The following PECR variants were observed in gnomAD, a reference collection of about 807,000 sequenced individuals.
The protein encoded by PECR is 2,4-dienoyl-CoA reductase-related protein.
Under a neutral mutation model 35.3 loss-of-function variants are expected in PECR, and 30 were observed. That is an observed-to-expected ratio of 0.85 (90% confidence interval 0.64 to 1.15). PECR has a LOEUF of 1.15. Among genes scored for constraint, PECR ranks in the 50% most tolerant of loss-of-function variants. The pLI, the probability that PECR is intolerant of heterozygous loss-of-function variation, is 0.00. For synonymous variants in PECR, 148 were observed against 138.9 expected (o/e 1.07, Z -0.46); for missense variants, 392 against 370.8 (o/e 1.06, Z -0.47).
In PECR at chr2:216,066,371, T is replaced by C. The variant is rs752255370; in HGVS notation, c.258+14A>G. 6.2e-7 allele frequency: 1 copy of C among 1,605,360 alleles called. No homozygotes were observed. Among genetic ancestry groups the C allele is most frequent in the Non-Finnish European group, 8.5e-7 (1 of 1,171,996 alleles). On this transcript the variant is annotated intron_variant, in intron 2 of 7. Coordinates refer to ENST00000265322, the MANE Select transcript of PECR (RefSeq NM_018441.6). ...ACAATGAATGAATAAATGATACAGA[T>C]ATATCTCCATTACCTCCTCCTCATT...
rs201199512 is a variant in PECR at position 216,048,485 on chromosome 2, G to GT, written c.714+777dup. Among the ~76,000 whole-genome samples, 870 of 151,966 alleles carry GT rather than the reference G, an allele frequency of 5.7e-3. 12 individuals carry two copies. The highest frequency in any genetic ancestry group is 0.02 in the African/African-American group (825 of 41,458). On this transcript the variant is annotated intron_variant, in intron 6 of 7. Coordinates refer to ENST00000265322, the MANE Select transcript of PECR (RefSeq NM_018441.6). ...AGCACTTTAGGAGGCTGAGGTGGGC[G>GT]TATCACTTAAGGTCAGTAGTTCGAG...
At chr2:216,055,450 CAAAA>C in intron 4 of PECR, among the ~76,000 whole-genome samples, 1 of 130,420 alleles carries the variant, frequency 7.7e-6, no homozygotes. Flanking sequence ...AAAAAAAAAA[CAAAA>C]AAACAAAAAA....
At chr2:216,057,441 G>A (rs1322030173) in intron 4 of PECR, among the ~76,000 whole-genome samples, 1 of 152,128 alleles carries the variant, frequency 6.6e-6, no homozygotes, top group Non-Finnish European at 1.5e-5. Context: ...TCAAGATACA[G>A]AATAGTGTTT....
intron 4 of PECR, 85 bp downstream of exon 4, chr2:216,058,810 T>C: frequency 1.3e-6 from 1 of 778,186 alleles, no homozygotes. Flanking sequence ...ATGATCTTGA[T>C]TTAAGAAATG....
At chr2:216,072,121 TAC>T (rs1463547918) in intron 1 of PECR, among the ~76,000 whole-genome samples, 1 of 152,224 alleles carries the variant, frequency 6.6e-6, no homozygotes, top group East Asian at 1.9e-4. Flanking sequence ...TGTGAGGTGA[TAC>T]AGTTATAGGC....
Position 216,030,927 on chromosome 2 carries a change from TTCTCTCTCTCTCTCTCTC to T in PECR, c.*440+8246_*440+8263del, listed in dbSNP as rs113417580. On this transcript the variant is annotated intron_variant and NMD_transcript_variant, in intron 7 of 7. Coordinates refer to the PECR transcript ENST00000442122. ...ACACACAAGCCCACTATGAGGCCCA[TTCTCTCTCTCTCTCTCTC>T]TCTCTCTCTCTCACACACACACACA... is the stretch of plus-strand genomic sequence containing the variant. Among the ~76,000 whole-genome samples, 117 of 130,926 alleles carry T rather than the reference TTCTCTCTCTCTCTCTCTC, an allele frequency of 8.9e-4. 1 individual carries two copies. Among genetic ancestry groups the T allele is most frequent in the Non-Finnish European group, 1.5e-3 (93 of 62,330 alleles). The allele number at this position is 130,926 out of a possible 152,430, so 85.9% of individuals were successfully genotyped here.
At chr2:216,063,530 A>T (rs759990900) in intron 3 of PECR, among the ~76,000 whole-genome samples, 3 of 151,986 alleles carry the variant, frequency 2.0e-5, no homozygotes, top group Non-Finnish European at 2.9e-5. Flanking sequence ...AGGCAGGAAA[A>T]TTGCTTGAAC....
intron 1 of PECR, among the ~76,000 whole-genome samples, chr2:216,078,506 T>C (rs931657940): frequency 6.6e-5 from 10 of 150,754 alleles, no homozygotes; most frequent in Non-Finnish European, 1.2e-4. Flanking sequence ...GAGAATTGCT[T>C]GAACCTGGGA....
intron 6 of PECR, among the ~76,000 whole-genome samples, 183 bp downstream of exon 6, chr2:216,049,080 A>G (rs1022851823): frequency 5.3e-5 from 8 of 152,336 alleles, no homozygotes; most frequent in African/African-American, 1.9e-4. Flanking sequence ...ACTCTCAAGT[A>G]CAGATTGCTG....
intron 1 of PECR, among the ~76,000 whole-genome samples, chr2:216,074,595 T>G (rs934898786): frequency 1.3e-5 from 2 of 151,982 alleles, no homozygotes; most frequent in African/African-American, 4.8e-5. Flanking sequence ...CCAAGGTGAT[T>G]AATGCCTAAC....
rs1307643558 is a variant in PECR at position 216,046,289 on chromosome 2, C to CATAT, written c.715-2275_715-2274insATAT. 7.2e-3 allele frequency among the ~76,000 whole-genome samples: 776 copies of CATAT among 107,768 alleles called. 10 individuals carry two copies. The highest frequency in any genetic ancestry group is 0.025 in the South Asian group (84 of 3,368). The allele number at this position is 107,768 out of a possible 152,430, so 70.7% of individuals were successfully genotyped here. On this transcript the variant is annotated intron_variant, in intron 6 of 7. Transcript: ENST00000265322. ...AAACCACATAAAGTATATATATATA[C>CATAT]ATACATATATATATATATATATTTT...
At chr2:216,062,626 A>G (rs545334342) in intron 3 of PECR, among the ~76,000 whole-genome samples, 9 of 152,348 alleles carry the variant, frequency 5.9e-5, no homozygotes, top group Admixed American at 3.3e-4. Flanking sequence ...TTTTAATTGC[A>G]TAAGTAATAT....
chr2:216,031,693 GAAAGAA>G (rs140039506), intron 7 of PECR, among the ~76,000 whole-genome samples: 10,904 of 128,426 alleles, frequency 0.085, 495 homozygotes, highest in South Asian at 0.17. Flanking sequence ...GAAAGAAAGA[GAAAGAA>G]AGAAAGAAAG....
intron 4 of PECR, among the ~76,000 whole-genome samples, chr2:216,052,489 G>C (rs1186777787): frequency 6.6e-6 from 1 of 152,168 alleles, no homozygotes; most frequent in African/African-American, 2.4e-5. Flanking sequence ...TATTTCAATG[G>C]ATAAAGAATT....
intron 3 of PECR, 36 bp from the exon 4 acceptor site, chr2:216,059,012 T>G (rs369859130): frequency 1.5e-6 from 2 of 1,297,458 alleles, no homozygotes; most frequent in African/African-American, 1.5e-5. Context: ...ATTAAATTTT[T>G]AAAGTATCCT....
At chr2:216,042,971 G>GTGTATATATATATACACATACA (rs1694915416) in intron 7 of PECR, among the ~76,000 whole-genome samples, 10 of 118,578 alleles carry the variant, frequency 8.4e-5, no homozygotes, top group African/African-American at 4.2e-4. Flanking sequence ...ATACACATAC[G>GTGTATATATATATACACATACA]TATATGTGTA....
chr2:216,035,763 A>T (rs1329729846), downstream of PECR, among the ~76,000 whole-genome samples: 1 of 152,156 alleles, frequency 6.6e-6, no homozygotes, highest in Non-Finnish European at 1.5e-5. Context: ...CCGGGATTCC[A>T]GGCATGAGTC....
downstream of PECR, among the ~76,000 whole-genome samples, chr2:216,036,534 T>C (rs773353806): frequency 2.0e-4 from 31 of 152,300 alleles, no homozygotes; most frequent in Non-Finnish European, 4.1e-4. Context: ...ACTTTTACAC[T>C]GTAGAGAATC....
At chr2:216,037,000 T>A (rs907109474), downstream of PECR, among the ~76,000 whole-genome samples, 1 of 152,216 alleles carries the variant, frequency 6.6e-6, no homozygotes, top group Admixed American at 6.5e-5. Context: ...GTGTTCTCTC[T>A]CTTTCTCTCA....
Sources: allele counts gnomAD v4.1 joint callset (sites outside exome capture counted in the v4.1 genomes callset), GRCh38; gene constraint gnomAD v4.1.1; transcripts MANE v1.5; gene names NCBI Gene and HGNC (gene_info 2026-07-23, HGNC 2026-07-21).